The following FOXP2 variants were observed in gnomAD, a reference collection of about 807,000 sequenced individuals.
FOXP2 encodes forkhead box P2.
FOXP2 carries 12 observed loss-of-function variants against 115.8 expected under a neutral mutation model. The ratio of observed to expected loss-of-function variants is 0.10; its 90% CI spans 0.07 to 0.17. FOXP2 has a LOEUF of 0.17. Ranked by LOEUF, FOXP2 falls within the 10% of genes least tolerant of loss-of-function variation. The pLI is 1.00. For missense variants in FOXP2, 629 were observed against 843.5 expected (o/e 0.75, Z 3.15); for synonymous variants, 328 against 297.7 (o/e 1.10, Z -1.05).
chr7:114,430,579 C>T (rs2129207031), intron 2 of FOXP2, among the ~76,000 whole-genome samples: 1 of 151,844 alleles, frequency 6.6e-6, no homozygotes. Flanking sequence ...TCACACATGA[C>T]CTTTTATCAC....
chr7:114,148,136 CGATGTA>C (rs1306758130), intron 1 of FOXP2, among the ~76,000 whole-genome samples: 1 of 152,134 alleles, frequency 6.6e-6, no homozygotes, highest in African/African-American at 2.4e-5. Flanking sequence ...AAAGCCCCAC[CGATGTA>C]GATCTTTTAA....
chr7:114,161,551 T>A (rs1792831779), upstream of FOXP2, among the ~76,000 whole-genome samples: 1 of 149,144 alleles, frequency 6.7e-6, no homozygotes, highest in Admixed American at 6.7e-5. Flanking sequence ...TTTTTTTTAA[T>A]AAATACCACC....
intron 1 of FOXP2, among the ~76,000 whole-genome samples, chr7:114,128,615 A>T (rs1296074057): frequency 6.6e-6 from 1 of 151,958 alleles, no homozygotes; most frequent in Non-Finnish European, 1.5e-5. Flanking sequence ...ACGCTCCAAA[A>T]ATTGCATTTT....
chr7:114,363,971 C>T (rs1791815921), intron 2 of FOXP2, among the ~76,000 whole-genome samples: 1 of 152,070 alleles, frequency 6.6e-6, no homozygotes, highest in Non-Finnish European at 1.5e-5. Flanking sequence ...TTATTTAATT[C>T]AAGTCCTTCT....
chr7:114,427,308 A>G (rs1183632412), intron 2 of FOXP2, among the ~76,000 whole-genome samples: 1 of 151,548 alleles, frequency 6.6e-6, no homozygotes, highest in African/African-American at 2.4e-5. Context: ...TTCTCTTTAA[A>G]TCTGGAAATG....
chr7:114,350,141 T>G (rs1262392824), intron 2 of FOXP2, among the ~76,000 whole-genome samples: 1 of 152,148 alleles, frequency 6.6e-6, no homozygotes, highest in African/African-American at 2.4e-5. Flanking sequence ...ATTTTTATTT[T>G]TATTTTACTT....
At chr7:114,599,659 A>C (rs944136314) in intron 3 of FOXP2, among the ~76,000 whole-genome samples, 2 of 152,250 alleles carry the variant, frequency 1.3e-5, no homozygotes. Context: ...TTTACAGTCC[A>C]AGAACAGGCA....
At chr7:114,501,687 A>T (rs1797572108) in intron 2 of FOXP2, among the ~76,000 whole-genome samples, 1 of 152,156 alleles carries the variant, frequency 6.6e-6, no homozygotes, top group African/African-American at 2.4e-5. Flanking sequence ...TAAGTGTTAA[A>T]GTAAAAATAA....
intron 1 of FOXP2, among the ~76,000 whole-genome samples, chr7:114,248,498 C>A (rs1003484909): frequency 6.6e-6 from 1 of 152,164 alleles, no homozygotes; most frequent in African/African-American, 2.4e-5. Flanking sequence ...ATAATTTAGA[C>A]TCTAGTTTCC....
intron 2 of FOXP2, among the ~76,000 whole-genome samples, chr7:114,322,730 C>T (rs540215538): frequency 1.3e-5 from 2 of 152,222 alleles, no homozygotes; most frequent in South Asian, 4.1e-4. Context: ...GGTACTTTAT[C>T]TCATACAAAC....
intron 2 of FOXP2, among the ~76,000 whole-genome samples, chr7:114,318,494 A>G (rs938673553): frequency 1.3e-5 from 2 of 151,572 alleles, no homozygotes; most frequent in African/African-American, 2.4e-5. Flanking sequence ...GTAGTAGTGA[A>G]CAAAACAAAA....
At chr7:114,299,300 G>A (rs1226472879) in intron 2 of FOXP2, among the ~76,000 whole-genome samples, 3 of 151,960 alleles carry the variant, frequency 2.0e-5, no homozygotes, top group South Asian at 2.1e-4. Flanking sequence ...GCTGTTAGTT[G>A]TCATTCCAAC....
intron 2 of FOXP2, among the ~76,000 whole-genome samples, chr7:114,477,300 A>G (rs991638348): frequency 5.3e-5 from 8 of 151,992 alleles, no homozygotes; most frequent in African/African-American, 1.9e-4. Context: ...ATATAGTACC[A>G]TGTACATCAT....
chr7:114,542,706 A>G (rs1011508151), intron 3 of FOXP2, among the ~76,000 whole-genome samples: 3 of 152,052 alleles, frequency 2.0e-5, no homozygotes, highest in South Asian at 2.1e-4. Flanking sequence ...GATTGTGATT[A>G]TTTTAGTAAT....
At chr7:114,670,732 C>T (rs1807446530) in intron 16 of FOXP2, among the ~76,000 whole-genome samples, 1 of 151,810 alleles carries the variant, frequency 6.6e-6, no homozygotes, top group East Asian at 1.9e-4. Context: ...ATTTGCAGGC[C>T]CTACATCTTT....
intron 13 of FOXP2, among the ~76,000 whole-genome samples, chr7:114,661,409 A>G (rs1397413758): frequency 6.6e-6 from 1 of 152,098 alleles, no homozygotes; most frequent in Non-Finnish European, 1.5e-5. Flanking sequence ...TTATGGGAAG[A>G]AAATGTACTC....
At position 114,691,850 on chromosome 7, in the gene FOXP2, C is replaced by T; in HGVS notation, c.*1924C>T. The T allele has an allele frequency of 2.2e-6, 1 of 450,026 alleles. No homozygotes were observed. The highest frequency in any genetic ancestry group is 1.6e-5 in the South Asian group (1 of 64,300). 27.9% of individuals were successfully genotyped at this position (450,026 alleles called of 1,614,324 possible). On this transcript the variant is annotated 3_prime_UTR_variant, in exon 17 of 17. Coordinates refer to ENST00000350908, the MANE Select transcript of FOXP2 (RefSeq NM_014491.4). ...TAGAGAGATACCCAGTCATCTATCA[C>T]ACCAAATAAAAGGACATAACGGCTT...
At chr7:114,219,941 A>G (rs1241821737) in intron 1 of FOXP2, among the ~76,000 whole-genome samples, 1 of 151,302 alleles carries the variant, frequency 6.6e-6, no homozygotes, top group African/African-American at 2.4e-5. Context: ...ATCTCGGCTC[A>G]CTACAACCTC....
intron 1 of FOXP2, among the ~76,000 whole-genome samples, chr7:114,209,782 G>A (rs536516889): frequency 9.2e-5 from 14 of 152,116 alleles, no homozygotes; most frequent in Admixed American, 3.3e-4. Flanking sequence ...TTCAGGTACC[G>A]CAATCACTCT....
Sources: allele counts gnomAD v4.1 joint callset (sites outside exome capture counted in the v4.1 genomes callset), GRCh38; gene constraint gnomAD v4.1.1; transcripts MANE v1.5; gene names NCBI Gene and HGNC (gene_info 2026-07-23, HGNC 2026-07-21).